The following SLIT3 variants were observed in gnomAD, a reference collection of about 807,000 sequenced individuals.
SLIT3 encodes the protein slit homolog 3 protein.
In SLIT3, 68 loss-of-function variants were observed where a neutral mutation model predicts 184.0. The ratio of observed to expected loss-of-function variants is 0.37; its 90% CI spans 0.30 to 0.45. The LOEUF is 0.45. SLIT3 is among the 20% of genes least tolerant of loss of function. SLIT3 has a pLI of 1.00. For synonymous variants in SLIT3, 831 were observed against 828.6 expected, an observed-to-expected ratio of 1.00 and a Z score of -0.05; for missense variants, 1,707 against 2,026.0, an observed-to-expected ratio of 0.84 and a Z score of 3.02.
chr5:169,203,351 G>GCACACACA (rs36206656), intron 3 of SLIT3, among the ~76,000 whole-genome samples: 3,821 of 147,464 alleles, frequency 0.026, 140 homozygotes, highest in African/African-American at 0.073. Flanking sequence ...ATGTGAATGT[G>GCACACACA]CACACACACA....
chr5:168,739,661 T>G (rs1224620980), intron 20 of SLIT3, among the ~76,000 whole-genome samples: 1 of 152,092 alleles, frequency 6.6e-6, no homozygotes, highest in Non-Finnish European at 1.5e-5. Context: ...TCCATTTTGG[T>G]CAGGCTGGTC....
intron 5 of SLIT3, among the ~76,000 whole-genome samples, chr5:168,873,855 C>T (rs1298624504): frequency 1.3e-5 from 2 of 151,900 alleles, no homozygotes; most frequent in African/African-American, 2.4e-5. Flanking sequence ...AATCACTATA[C>T]TCACTTGGTC....
chr5:168,936,277 C>A (rs1762155068), intron 4 of SLIT3, among the ~76,000 whole-genome samples: 1 of 152,204 alleles, frequency 6.6e-6, no homozygotes, highest in South Asian at 2.1e-4. Flanking sequence ...TCTCTGTCAC[C>A]TGGCTGGAGT....
At chr5:169,076,380 G>A (rs1487380527) in intron 4 of SLIT3, among the ~76,000 whole-genome samples, 1 of 152,132 alleles carries the variant, frequency 6.6e-6, no homozygotes, top group Non-Finnish European at 1.5e-5. Context: ...TTAGTAAAAT[G>A]AGTGACTTCC....
At chr5:168,986,309 G>T (rs73312260) in intron 4 of SLIT3, among the ~76,000 whole-genome samples, 9 of 152,050 alleles carry the variant, frequency 5.9e-5, no homozygotes, top group Non-Finnish European at 1.3e-4. Context: ...ACTTGAGATC[G>T]GTCAGTTTGT....
At chr5:168,806,080 A>G (rs1057175926) in intron 9 of SLIT3, among the ~76,000 whole-genome samples, 2 of 152,338 alleles carry the variant, frequency 1.3e-5, no homozygotes, top group Admixed American at 6.5e-5. Flanking sequence ...CAGAGAGAAC[A>G]TACTTTTTAG....
chr5:168,743,952 AG>A (rs1331345178), intron 20 of SLIT3, among the ~76,000 whole-genome samples: 1 of 152,210 alleles, frequency 6.6e-6, no homozygotes, highest in Admixed American at 6.5e-5. Context: ...AGAAAACTGC[AG>A]AAGAAAAGTT....
At position 168,785,010 on chromosome 5, in the gene SLIT3, G is replaced by A. The variant is rs552254535; in HGVS notation, c.1151+897C>T. Among the ~76,000 whole-genome samples, 16 of 152,136 alleles carry A rather than the reference G, an allele frequency of 1.1e-4. No homozygotes were observed. In the South Asian group the frequency reaches 1.9e-3, roughly 18 times the overall value. On this transcript the variant is annotated intron_variant, in intron 12 of 35. Transcript: ENST00000519560. ...TTCCAGTTTCCATACCTATTCTGCT[G>A]TGTGACTGGGGGAGAGTCATGTATC...
chr5:168,830,593 C>T (rs1024385205), intron 6 of SLIT3, among the ~76,000 whole-genome samples: 2 of 152,180 alleles, frequency 1.3e-5, no homozygotes, highest in Non-Finnish European at 2.9e-5. Context: ...AATGCTGATA[C>T]TATTTATGAA....
intron 4 of SLIT3, among the ~76,000 whole-genome samples, chr5:169,049,459 C>CT (rs1353627473): frequency 1.3e-5 from 2 of 152,150 alleles, no homozygotes; most frequent in Non-Finnish European, 2.9e-5. Context: ...GTTAACGTCT[C>CT]TCCTGCCCAC....
intron 4 of SLIT3, among the ~76,000 whole-genome samples, chr5:168,965,697 G>A (rs1289086130): frequency 3.3e-5 from 5 of 152,170 alleles, no homozygotes; most frequent in African/African-American, 7.2e-5. Context: ...CTTCTCTATC[G>A]CTTATCAGCA....
intron 4 of SLIT3, among the ~76,000 whole-genome samples, chr5:169,027,149 GT>G (rs1269423996): frequency 6.6e-6 from 1 of 152,162 alleles, no homozygotes; most frequent in Non-Finnish European, 1.5e-5. Flanking sequence ...GTGCCCTGGG[GT>G]TCAGTTTTCC....
chr5:168,864,133 C>G (rs1759215196), intron 5 of SLIT3, among the ~76,000 whole-genome samples: 1 of 152,088 alleles, frequency 6.6e-6, no homozygotes, highest in African/African-American at 2.4e-5. Context: ...TCGCTTGAGC[C>G]CAGGAGGTCG....
At chr5:168,985,766 C>T (rs62378598) in intron 4 of SLIT3, among the ~76,000 whole-genome samples, 3,556 of 152,154 alleles carry the variant, frequency 0.023, 56 homozygotes, top group Non-Finnish European at 0.035. Flanking sequence ...CGTCTTGCTA[C>T]AGTGAGGAGA....
chr5:168,784,502 T>C (rs1011677948), intron 12 of SLIT3, among the ~76,000 whole-genome samples: 1 of 152,214 alleles, frequency 6.6e-6, no homozygotes, highest in Non-Finnish European at 1.5e-5. Flanking sequence ...GCTGGTATGA[T>C]AGATCTGCTC....
chr5:169,293,337 A>G lies in SLIT3; in HGVS notation c.197+7176T>C, dbSNP rs557182785. Among the ~76,000 whole-genome samples the G allele has an allele frequency of 3.6e-3, 542 of 152,210 alleles. 1 individual carries two copies. Among genetic ancestry groups the G allele is most frequent in the African/African-American group, 0.012 (505 of 41,526 alleles). On this transcript the variant is annotated intron_variant, in intron 1 of 35. Coordinates refer to ENST00000519560, the MANE Select transcript of SLIT3 (RefSeq NM_003062.4). ...ACTGAGCTCCTCATCACTAGATATCATCAAGCAAAGGAGGCTAACTGACCA... is the reference window on the plus strand; with the variant it reads ...ACTGAGCTCCTCATCACTAGATATCGTCAAGCAAAGGAGGCTAACTGACCA...
At chr5:169,137,335 C>CACACAGAGAGAGAGAGAGAGAG (rs368371904) in intron 4 of SLIT3, among the ~76,000 whole-genome samples, 14 of 138,548 alleles carry the variant, frequency 1.0e-4, no homozygotes, top group African/African-American at 3.9e-4. Flanking sequence ...CACACACACA[C>CACACAGAGAGAGAGAGAGAGAG]AGAGAGAGAG....
intron 5 of SLIT3, among the ~76,000 whole-genome samples, 165 bp downstream of exon 5, chr5:168,883,100 T>A (rs550036964): frequency 1.3e-5 from 2 of 152,296 alleles, no homozygotes; most frequent in Admixed American, 1.3e-4. Flanking sequence ...TCTGTGACAG[T>A]ATTGTGGCAT....
intron 3 of SLIT3, among the ~76,000 whole-genome samples, chr5:169,237,757 G>A (rs1399617486): frequency 6.6e-6 from 1 of 152,146 alleles, no homozygotes; most frequent in East Asian, 1.9e-4. Flanking sequence ...TTTATAGGGG[G>A]AGAGTGGTAT....
Sources: gnomAD v4.1 joint callset for allele counts (sites outside exome capture counted in the v4.1 genomes callset) on GRCh38, gnomAD v4.1.1 for gene constraint, MANE v1.5 for transcripts, NCBI Gene and HGNC (gene_info 2026-07-23, HGNC 2026-07-21) for gene names.